Variants in BIN2 observed in about 807,000 individuals in gnomAD.
BIN2 encodes the protein breast cancer associated protein BRAP1.
Under a neutral mutation model 67.9 loss-of-function variants are expected in BIN2, and 43 were observed. The observed-to-expected ratio is 0.63, with a 90% CI of 0.50 to 0.82. The LOEUF (loss-of-function observed/expected upper bound fraction) is 0.82, where lower values mean the gene tolerates loss of function less well. BIN2 is among the 40% of genes least tolerant of loss of function. The pLI is 0.00. For missense variants in BIN2, 581 were observed against 671.6 expected (o/e 0.87, Z 1.49); for synonymous variants, 244 against 246.8 (o/e 0.99, Z 0.11).
At chr12:51,316,659 T>G (rs1219663145) in intron 1 of BIN2, among the ~76,000 whole-genome samples, 2 of 152,136 alleles carry the variant, frequency 1.3e-5, no homozygotes, top group Non-Finnish European at 2.9e-5. Flanking sequence ...CCCACACTGT[T>G]GCTTGTCATA....
intron 2 of BIN2, chr12:51,304,250 AAAAC>A (rs766826469): frequency 2.6e-5 from 4 of 152,810 alleles, no homozygotes; most frequent in Non-Finnish European, 5.8e-5. Context: ...ACTCCATCTC[AAAAC>A]AAACAAACAA....
chr12:51,306,176 C>T (rs1341186944), intron 2 of BIN2, among the ~76,000 whole-genome samples: 3 of 152,042 alleles, frequency 2.0e-5, no homozygotes, highest in East Asian at 3.9e-4. Flanking sequence ...TTTGATCAAA[C>T]TTCAGATCAA....
In BIN2 at chr12:51,292,119, G is replaced by A. The variant is rs1368948539; in HGVS notation, c.987C>T (p.Ser329=). Residue 329 remains serine (S), a synonymous_variant, in exon 10 of 13, where the codon AGC becomes AGT. Coordinates refer to ENST00000615107, the MANE Select transcript of BIN2 (RefSeq NM_016293.4). Reference sequence around the variant, plus strand: ...GTAGAGGCTCATCTTCCTCAGAGGAGCTTGCTTCAGATCCTTCCTTCTCTA... The same window carrying A: ...GTAGAGGCTCATCTTCCTCAGAGGAACTTGCTTCAGATCCTTCCTTCTCTA... ...EEIEKEGSEA[S]SSEEDEPLPA... 2 of 1,614,010 alleles carry A rather than the reference G, an allele frequency of 1.2e-6. No homozygotes were observed. The highest frequency in any genetic ancestry group is 1.3e-5 in the African/African-American group (1 of 74,906).
intron 2 of BIN2, among the ~76,000 whole-genome samples, chr12:51,309,319 C>T (rs1306056879): frequency 1.3e-5 from 2 of 152,240 alleles, no homozygotes; most frequent in East Asian, 3.9e-4. Flanking sequence ...CACCCCAGGT[C>T]CCCAGGTCAG....
Position 51,303,095 on chromosome 12 carries a change from G to A in BIN2, c.209C>T (p.Ala70Val), listed in dbSNP as rs147235873. ...LYKDLKNFLS[A>V]VKVMHESSKR... ...CATGCTGCATTGCCCACCTTTGACT[G>A]CACTAAGGAAGTTCTTCAGGTCCTT... is the stretch of plus-strand genomic sequence containing the variant. The change falls in exon 3 of 13, where the codon GCA becomes GTA. Residue 70 changes from alanine to valine, a missense_variant. Physicochemically the swap from Ala to Val is moderately conservative, Grantham distance 64 (BLOSUM62 0). Transcript: ENST00000615107. The A allele has an allele frequency of 3.8e-5, 61 of 1,613,964 alleles. 1 individual carries two copies. The highest frequency in any genetic ancestry group is 5.1e-5 in the Non-Finnish European group (60 of 1,179,944).
At chr12:51,288,751 C>CT (rs11286254) in intron 10 of BIN2, among the ~76,000 whole-genome samples, 12,657 of 141,400 alleles carry the variant, frequency 0.09, 563 homozygotes, top group Non-Finnish European at 0.11. Context: ...TATCCTAGAT[C>CT]TTTTTTTTTT....
At chr12:51,298,965 C>T (rs565522983) in intron 7 of BIN2, among the ~76,000 whole-genome samples, 26 of 151,258 alleles carry the variant, frequency 1.7e-4, no homozygotes, top group Non-Finnish European at 3.5e-4. Context: ...CCCAGGTACT[C>T]GGGTGGCTGA....
In BIN2 at chr12:51,311,468, T is replaced by C. The variant is rs1184108906; in HGVS notation, c.162+2355A>G. On this transcript the variant is annotated intron_variant, in intron 2 of 12. Transcript: ENST00000615107. ...GATCATAGCTCACTGCAGCCTGGAA[T>C]TCCTGGGGTCAAGCAATCCTCCTAC... Among the ~76,000 whole-genome samples, 3 of 152,042 alleles carry C rather than the reference T, an allele frequency of 2.0e-5. No homozygotes were observed. The East Asian group carries it at 5.8e-4, about 29-fold the overall frequency.
chr12:51,291,208 A>C (rs528619531), intron 10 of BIN2, among the ~76,000 whole-genome samples: 1 of 152,306 alleles, frequency 6.6e-6, no homozygotes, highest in East Asian at 1.9e-4. Context: ...TAGATTACTA[A>C]ATTAATAGCT....
At chr12:51,294,367 G>A (rs1265406063) in intron 9 of BIN2, among the ~76,000 whole-genome samples, 1 of 152,154 alleles carries the variant, frequency 6.6e-6, no homozygotes, top group African/African-American at 2.4e-5. Flanking sequence ...AGAAGTTCAA[G>A]ACCAGCCTGG....
intron 12 of BIN2, 143 bp downstream of exon 12, chr12:51,284,573 T>C: frequency 1.6e-6 from 1 of 609,364 alleles, no homozygotes; most frequent in Non-Finnish European, 3.0e-6. Flanking sequence ...CATTCTTGTT[T>C]CCTCTGATTC....
intron 10 of BIN2, among the ~76,000 whole-genome samples, chr12:51,291,172 CAAAA>C (rs1327769844): frequency 6.6e-6 from 1 of 151,162 alleles, no homozygotes; most frequent in Non-Finnish European, 1.5e-5. Context: ...AACAAACAAA[CAAAA>C]AAAAGTCAAT....
chr12:51,291,540 C>T (rs1945378669), intron 10 of BIN2, 51 bp downstream of exon 10: 1 of 1,505,318 alleles, frequency 6.6e-7, no homozygotes, highest in African/African-American at 1.4e-5. Context: ...GAGACCCTAG[C>T]TTAAATAAAT....
At chr12:51,318,139 G>A (rs917903321) in intron 1 of BIN2, among the ~76,000 whole-genome samples, 10 of 152,172 alleles carry the variant, frequency 6.6e-5, no homozygotes, top group African/African-American at 2.2e-4. Flanking sequence ...GGGAGTGGTG[G>A]GGAATGAAGC....
intron 10 of BIN2, among the ~76,000 whole-genome samples, chr12:51,290,100 T>C (rs1476531514): frequency 2.0e-5 from 3 of 151,498 alleles, no homozygotes; most frequent in African/African-American, 7.3e-5. Context: ...TTTTATTTTG[T>C]ATTAATTTTT....
intron 12 of BIN2, among the ~76,000 whole-genome samples, chr12:51,283,688 T>A (rs899874109): frequency 6.6e-6 from 1 of 151,976 alleles, no homozygotes; most frequent in South Asian, 2.1e-4. Flanking sequence ...GCTTACAGAA[T>A]AAGGATATAA....
At chr12:51,324,400 G>A (rs1258535031), upstream of BIN2, 2 of 1,355,600 alleles carry the variant, frequency 1.5e-6, no homozygotes, top group Admixed American at 2.8e-5. Context: ...CCTCAGTGGT[G>A]GGCCCACACT....
chr12:51,295,091 C>T (rs1243307629), intron 9 of BIN2, among the ~76,000 whole-genome samples: 1 of 151,992 alleles, frequency 6.6e-6, no homozygotes, highest in Non-Finnish European at 1.5e-5. Flanking sequence ...CACCACCTTG[C>T]CCGGCTAATT....
chr12:51,312,023 C>T (rs1411477036), intron 2 of BIN2, among the ~76,000 whole-genome samples: 5 of 152,128 alleles, frequency 3.3e-5, no homozygotes, highest in Admixed American at 2.0e-4. Flanking sequence ...CTGCCCGCCT[C>T]GGCCTCCCAA....
Sources: allele counts gnomAD v4.1 joint callset (sites outside exome capture counted in the v4.1 genomes callset), GRCh38; gene constraint gnomAD v4.1.1; transcripts MANE v1.5; gene names NCBI Gene and HGNC (gene_info 2026-07-23, HGNC 2026-07-21).